Variants in AACS observed in about 807,000 individuals in gnomAD.
AACS encodes acetoacetate-CoA ligase.
Under a neutral mutation model 83.1 loss-of-function variants are expected in AACS, and 69 were observed. The observed-to-expected ratio is 0.83, with a 90% confidence interval of 0.68 to 1.01. The LOEUF is 1.01. AACS is among the 50% of genes least tolerant of loss of function. The pLI, the probability that AACS is intolerant of heterozygous loss-of-function variation, is 0.00. For missense variants in AACS, 866 were observed against 882.2 expected (o/e 0.98, Z 0.23); for synonymous variants, 333 against 343.4 (o/e 0.97, Z 0.33).
In AACS at chr12:125,136,363, T is replaced by G. The variant is rs2136141309; in HGVS notation, c.1679-299T>G. 5.9e-5 allele frequency among the ~76,000 whole-genome samples: 9 copies of G among 152,238 alleles called. 2 individuals carry two copies. The Middle Eastern group carries it at 0.024, about 403-fold the overall frequency. On this transcript the variant is annotated intron_variant, in intron 16 of 17. Coordinates refer to ENST00000316519, the MANE Select transcript of AACS (RefSeq NM_023928.5). Reference sequence around the variant, plus strand: ...CCATGCCCGGCCCTCTTTTTTATCTTGAATTAATTTCTCATTAAGTAAGGC... The same window carrying G: ...CCATGCCCGGCCCTCTTTTTTATCTGGAATTAATTTCTCATTAAGTAAGGC...
At chr12:125,068,112 A>G (rs144253302) in intron 1 of AACS, among the ~76,000 whole-genome samples, 5 of 152,264 alleles carry the variant, frequency 3.3e-5, no homozygotes, top group South Asian at 4.2e-4. Context: ...CTGGTGGCCC[A>G]TGGGCCAGGT....
intron 9 of AACS, chr12:125,118,291 C>A: frequency 3.7e-6 from 1 of 268,656 alleles, no homozygotes; most frequent in Non-Finnish European, 7.3e-6. Flanking sequence ...AGGTGCTGTT[C>A]AGAACGCCTC....
chr12:125,082,738 T>A lies in AACS; in HGVS notation c.359-3592T>A, dbSNP rs551286471. Among the ~76,000 whole-genome samples, 3 of 152,150 alleles carry A rather than the reference T, an allele frequency of 2.0e-5. No homozygotes were observed. The South Asian group carries it at 6.2e-4, about 32-fold the overall frequency. The stretch of plus-strand genomic sequence containing the variant: ...CGGGAGGCTGAGGCAGGAGAATTGC[T>A]TGAACCTGGGAGGCGGAGGTTGCAG... On this transcript the variant is annotated intron_variant, in intron 3 of 17. Transcript: ENST00000316519.
chr12:125,115,507 G>A (rs1250209850), intron 9 of AACS, among the ~76,000 whole-genome samples: 8 of 152,148 alleles, frequency 5.3e-5, no homozygotes, highest in East Asian at 1.9e-4. Flanking sequence ...TGGTCCGCCC[G>A]CCTCAGCCTC....
intron 9 of AACS, among the ~76,000 whole-genome samples, chr12:125,116,486 C>T (rs1259587273): frequency 1.3e-5 from 2 of 152,096 alleles, no homozygotes; most frequent in African/African-American, 2.4e-5. Flanking sequence ...TTTTTTGAGA[C>T]GGAGGCTCAC....
chr12:125,116,046 A>G (rs1957046566), intron 9 of AACS, among the ~76,000 whole-genome samples: 1 of 151,856 alleles, frequency 6.6e-6, no homozygotes, highest in Non-Finnish European at 1.5e-5. Context: ...CAAATGATTC[A>G]GGTTTTTTTT....
In AACS at chr12:125,140,444, C is replaced by G. The variant is rs1486186736; in HGVS notation, c.1882-1648C>G. ...GCTGCACGTGGACCCCTGTGTGAAG[C>G]GTAGCAGGGCACAGAGCAGGCGAGA... On this transcript the variant is annotated intron_variant, in intron 17 of 17. Coordinates refer to ENST00000316519, the MANE Select transcript of AACS (RefSeq NM_023928.5). This position sits in a 1 kb window ranked among gnomAD's most constrained non-coding sequence, Gnocchi z 5.1. 3 of 152,176 alleles carry G rather than the reference C, an allele frequency of 2.0e-5. No homozygotes were observed. Among genetic ancestry groups the G allele is most frequent in the African/African-American group, 7.2e-5 (3 of 41,426 alleles). The allele number at this position is 152,176 out of a possible 1,614,324, so 9.4% of individuals were successfully genotyped here. A position where few individuals can be genotyped will look rare whatever the true frequency, so the allele number is the denominator to read the frequency against.
intron 17 of AACS, among the ~76,000 whole-genome samples, chr12:125,141,869 G>C (rs1025949227): frequency 1.3e-5 from 2 of 151,878 alleles, no homozygotes; most frequent in Non-Finnish European, 2.9e-5. Flanking sequence ...GTGCCTTTCA[G>C]AAGAACAGGT....
At chr12:125,106,050 A>C (rs937147842) in intron 7 of AACS, among the ~76,000 whole-genome samples, 2 of 152,220 alleles carry the variant, frequency 1.3e-5, no homozygotes, top group African/African-American at 4.8e-5. Flanking sequence ...CCCCAGGAGA[A>C]ACCTTTATAT....
chr12:125,073,985 T>C lies in AACS; in HGVS notation c.237+6T>C, dbSNP rs1320443726. 1 of 1,602,782 alleles carries C rather than the reference T, an allele frequency of 6.2e-7. No homozygotes were observed. Among genetic ancestry groups the C allele is most frequent in the Admixed American group, 1.7e-5 (1 of 58,730 alleles). On this transcript the variant is annotated splice_donor_region_variant and intron_variant, in intron 2 of 17. Transcript: ENST00000316519. ...TCTCACGTGTGTATGATGAGGTAAG[T>C]AGAGATTTTCCGTGGATATCATCTC...
rs373315611 is a variant in AACS, at chr12:125,107,094, C to A, written c.768-27C>A. 3 of 1,613,712 alleles carry A rather than the reference C, an allele frequency of 1.9e-6. No individual in the cohort carries two copies. In the East Asian group the frequency reaches 6.7e-5, roughly 36 times the overall value. On this transcript the variant is annotated intron_variant, in intron 7 of 17. Transcript: ENST00000316519. ...GTCCAGCATTCTGGGACGTTCATGGCGTGTTTCCCTGCGTTTCGGCCCACA... is the reference window on the plus strand; with the variant it reads ...GTCCAGCATTCTGGGACGTTCATGGAGTGTTTCCCTGCGTTTCGGCCCACA...
chr12:125,075,669 C>T (rs1207894776), intron 2 of AACS, among the ~76,000 whole-genome samples: 1 of 150,160 alleles, frequency 6.7e-6, no homozygotes, highest in Non-Finnish European at 1.5e-5. Flanking sequence ...TCTTGGCTCA[C>T]TGCAAGCTCC....
At chr12:125,095,808 A>G (rs1477114912) in intron 5 of AACS, among the ~76,000 whole-genome samples, 1 of 152,076 alleles carries the variant, frequency 6.6e-6, no homozygotes, top group Non-Finnish European at 1.5e-5. Context: ...GTACGGTATT[A>G]GTGTTTTCTG....
Position 125,124,714 on chromosome 12 carries a change from C to T in AACS, c.1131C>T (p.Val377=). The T allele has an allele frequency of 6.2e-7, 1 of 1,614,038 alleles. No homozygotes were observed. Among genetic ancestry groups the T allele is most frequent in the Non-Finnish European group, 8.5e-7 (1 of 1,180,042 alleles). ...WDLVDRIGIT[V]LVTGAKWLSV... ...CCCGCCTGCACCCTAGCATCACTGT[C>T]CTGGTAACTGGGGCCAAGTGGCTGT... is the stretch of plus-strand genomic sequence containing the variant. The change falls in exon 11 of 18, where the codon GTC becomes GTT. Residue 377 remains valine (V), a synonymous_variant. Coordinates refer to ENST00000316519, the MANE Select transcript of AACS (RefSeq NM_023928.5).
chr12:125,119,504 G>A (rs191875338), intron 10 of AACS, among the ~76,000 whole-genome samples: 4 of 152,280 alleles, frequency 2.6e-5, no homozygotes, highest in African/African-American at 7.2e-5. Flanking sequence ...GACTGGGGAG[G>A]CCTCACAATC....
chr12:125,134,471 T>C (rs1682111031), intron 15 of AACS, among the ~76,000 whole-genome samples: 1 of 152,136 alleles, frequency 6.6e-6, no homozygotes, highest in African/African-American at 2.4e-5. Context: ...CTCCCTGCCC[T>C]GTGATGGGGT....
chr12:125,067,626 T>C (rs946942826), intron 1 of AACS, among the ~76,000 whole-genome samples: 8 of 152,044 alleles, frequency 5.3e-5, no homozygotes, highest in Non-Finnish European at 1.2e-4. Flanking sequence ...CTCTGCCTCC[T>C]GGGTTCACGC....
intron 4 of AACS, among the ~76,000 whole-genome samples, chr12:125,090,175 TACATTCTTCTCTCCATCTAC>T (rs1956441163): frequency 2.8e-4 from 3 of 10,710 alleles, no homozygotes; most frequent in Admixed American, 1.2e-3. Flanking sequence ...ATCCTGTCTA[TACATTCTTCTCTCCATCTAC>T]CCATTTACCC....
chr12:125,102,091 C>A (rs6488989), intron 5 of AACS: 77,652 of 147,134 alleles, frequency 0.53, 20,861 homozygotes, highest in African/African-American at 0.63. Context: ...AAAAAAAAAA[C>A]CAGAATCTTG....
Sources: allele counts gnomAD v4.1 joint callset (sites outside exome capture counted in the v4.1 genomes callset), GRCh38; gene constraint gnomAD v4.1.1; non-coding constraint Gnocchi (gnomAD v3.1); transcripts MANE v1.5; gene names NCBI Gene and HGNC (gene_info 2026-07-23, HGNC 2026-07-21).